Variants in ZNF346 observed in about 807,000 individuals in gnomAD.
The protein encoded by ZNF346 is zinc finger protein 346, also known as double-stranded RNA-binding zinc finger protein JAZ.
ZNF346 carries 23 observed loss-of-function variants against 33.7 expected under a neutral mutation model. The ratio of observed to expected loss-of-function variants is 0.68; its 90% CI spans 0.49 to 0.97. The LOEUF (loss-of-function observed/expected upper bound fraction) is 0.97. ZNF346 is among the 50% of genes least tolerant of loss of function. The pLI, the probability that ZNF346 is intolerant of heterozygous loss-of-function variation, is 0.00. For synonymous variants in ZNF346, 134 were observed against 142.4 expected (o/e 0.94, Z 0.42); for missense variants, 340 against 371.1 (o/e 0.92, Z 0.69).
chr5:177,038,876 TTGTGTGTGTGTG>T (rs56812954), intron 1 of ZNF346, among the ~76,000 whole-genome samples: 5 of 135,358 alleles, frequency 3.7e-5, no homozygotes, highest in Non-Finnish European at 6.3e-5. Flanking sequence ...CTTCTTCTTC[TTGTGTGTGTGTG>T]TGTGTGTGTG....
intron 8 of ZNF346, among the ~76,000 whole-genome samples, chr5:177,076,230 G>A (rs1783738603): frequency 6.6e-6 from 1 of 152,232 alleles, no homozygotes; most frequent in Admixed American, 6.5e-5. Flanking sequence ...CCAGCTCTGA[G>A]GGAAACCAGC....
At chr5:177,081,171 C>G (rs1783963263) in exon 9 of ZNF346, 1 of 136,294 alleles carries the variant, frequency 7.3e-6, no homozygotes, top group African/African-American at 2.9e-5. Flanking sequence ...TTAAAATGTT[C>G]TCAAAATAAA....
At chr5:177,061,173 G>A (rs1343996882) in intron 5 of ZNF346, among the ~76,000 whole-genome samples, 1 of 152,020 alleles carries the variant, frequency 6.6e-6, no homozygotes. Context: ...CAGGCCGGGT[G>A]CGGTAGCTCA....
chr5:177,044,958 T>G (rs1411301040), intron 4 of ZNF346, among the ~76,000 whole-genome samples: 1 of 152,202 alleles, frequency 6.6e-6, no homozygotes, highest in African/African-American at 2.4e-5. Context: ...GCCTACTCAC[T>G]TTAATCCTCA....
At chr5:177,029,942 C>G (rs1777424048) in intron 1 of ZNF346, among the ~76,000 whole-genome samples, 1 of 152,152 alleles carries the variant, frequency 6.6e-6, no homozygotes, top group Admixed American at 6.6e-5. Context: ...GAAGCTGTCT[C>G]CAGGTAGATA....
chr5:177,041,802 A>G lies in ZNF346; in HGVS notation c.304A>G (p.Lys102Glu), dbSNP rs1418260615. The change falls in exon 3 of 7, where the codon AAG becomes GAG. Residue 102 changes from lysine to glutamate, a missense_variant. Coordinates refer to ENST00000358149, the MANE Select transcript of ZNF346 (RefSeq NM_012279.4). ...GAGCAAAAAACATGCCAACAAAGTG[A>G]AGAGATACCTAGCAATCCATGGAAT... ...YQSKKHANKVKRYLAIHGMET... is the reference protein window; with the variant it reads ...YQSKKHANKVERYLAIHGMET... The G allele has an allele frequency of 6.2e-7, 1 of 1,613,758 alleles. No homozygotes were observed. Among genetic ancestry groups the G allele is most frequent in the African/African-American group, 1.3e-5 (1 of 75,038 alleles).
chr5:177,047,277 G>A (rs540941948), intron 4 of ZNF346, among the ~76,000 whole-genome samples: 20 of 151,700 alleles, frequency 1.3e-4, no homozygotes, highest in African/African-American at 4.1e-4. Context: ...TTGAACTCCT[G>A]GCCTCAAACA....
At chr5:177,029,874 A>G (rs912725549) in intron 1 of ZNF346, among the ~76,000 whole-genome samples, 5 of 152,178 alleles carry the variant, frequency 3.3e-5, no homozygotes, top group African/African-American at 1.2e-4. Context: ...GGAACCTGCA[A>G]TTGGCATCAG....
At chr5:177,075,037 A>G (rs1004202626) in intron 8 of ZNF346, among the ~76,000 whole-genome samples, 6 of 150,938 alleles carry the variant, frequency 4.0e-5, no homozygotes, top group South Asian at 4.2e-4. Context: ...GTGCACTCCA[A>G]CCTGGGCGAC....
intron 8 of ZNF346, among the ~76,000 whole-genome samples, chr5:177,073,592 C>T (rs1055099694): frequency 1.3e-5 from 2 of 152,140 alleles, no homozygotes; most frequent in Non-Finnish European, 2.9e-5. Flanking sequence ...ACGTGAGCCA[C>T]CGCACCTGGC....
rs1051876165 is a variant in ZNF346, at chr5:177,041,109, T to G, written c.176-17T>G. 1 of 1,597,086 alleles carries G rather than the reference T, an allele frequency of 6.3e-7. No homozygotes were observed. The highest frequency in any genetic ancestry group is 1.3e-5 in the African/African-American group (1 of 74,604). On this transcript the variant is annotated splice_polypyrimidine_tract_variant and intron_variant, in intron 1 of 6. Transcript: ENST00000358149. Reference sequence around the variant, plus strand: ...AGTGTTTGTCAACTCAATGATTTCTTGTTTTCCCCTCTATAGTGGAGCACA... The same window carrying G: ...AGTGTTTGTCAACTCAATGATTTCTGGTTTTCCCCTCTATAGTGGAGCACA...
At position 177,030,796 on chromosome 5, in the gene ZNF346, A is replaced by G. The variant is rs767156152; in HGVS notation, c.175+7883A>G. On this transcript the variant is annotated intron_variant, in intron 1 of 6. Coordinates refer to ENST00000358149, the MANE Select transcript of ZNF346 (RefSeq NM_012279.4). ...ATACCTAGGAGCAATCATCCCTGGCAACGACTTATCTCCTCTCTTTATGGA... is the reference window on the plus strand; with the variant it reads ...ATACCTAGGAGCAATCATCCCTGGCGACGACTTATCTCCTCTCTTTATGGA... 2.4e-4 allele frequency among the ~76,000 whole-genome samples: 36 copies of G among 152,114 alleles called. 1 individual carries two copies. Among genetic ancestry groups the G allele is most frequent in the Non-Finnish European group, 4.7e-4 (32 of 68,010 alleles).
intron 1 of ZNF346, among the ~76,000 whole-genome samples, chr5:177,024,997 T>G (rs1216249428): frequency 6.6e-6 from 1 of 152,232 alleles, no homozygotes; most frequent in Non-Finnish European, 1.5e-5. Context: ...AGTCACCCAT[T>G]GTAAGCATAT....
At chr5:177,057,737 CA>C (rs557828707) in intron 5 of ZNF346, among the ~76,000 whole-genome samples, 19,900 of 104,718 alleles carry the variant, frequency 0.19, 2,856 homozygotes, top group African/African-American at 0.43. Context: ...GACCCTGTCT[CA>C]AAAAAAAAAA....
At chr5:177,038,265 T>TTG (rs1554145676) in intron 1 of ZNF346, among the ~76,000 whole-genome samples, 6 of 148,576 alleles carry the variant, frequency 4.0e-5, no homozygotes, top group African/African-American at 1.2e-4. Flanking sequence ...CGTTTTTTTT[T>TTG]TTTGTGTGTG....
intron 5 of ZNF346, among the ~76,000 whole-genome samples, chr5:177,061,648 T>G (rs1175698437): frequency 6.6e-6 from 1 of 152,164 alleles, no homozygotes; most frequent in Non-Finnish European, 1.5e-5. Flanking sequence ...TAACCAGCGT[T>G]CTCACTAATT....
intron 8 of ZNF346, among the ~76,000 whole-genome samples, chr5:177,075,397 C>T (rs1679591062): frequency 6.6e-6 from 1 of 152,174 alleles, no homozygotes; most frequent in African/African-American, 2.4e-5. Context: ...GAGCCAGACA[C>T]CGTCTCAAAA....
At chr5:177,025,174 C>T (rs1023091229) in intron 1 of ZNF346, among the ~76,000 whole-genome samples, 4 of 152,196 alleles carry the variant, frequency 2.6e-5, no homozygotes, top group African/African-American at 9.6e-5. Flanking sequence ...CTTGGGTAGT[C>T]TTTTGAGTTT....
chr5:177,071,073 T>G (rs1467757501), downstream of ZNF346, among the ~76,000 whole-genome samples: 1 of 152,018 alleles, frequency 6.6e-6, no homozygotes, highest in Admixed American at 6.6e-5. Flanking sequence ...TAGCAGCCAA[T>G]GAGGGGTGGC....
Sources: gnomAD v4.1 joint callset for allele counts (sites outside exome capture counted in the v4.1 genomes callset) on GRCh38, gnomAD v4.1.1 for gene constraint, MANE v1.5 for transcripts, NCBI Gene and HGNC (gene_info 2026-07-23, HGNC 2026-07-21) for gene names.